The following PLGRKT variants were observed in gnomAD, a reference collection of about 807,000 sequenced individuals.
PLGRKT encodes the protein plasminogen receptor with a C-terminal lysine.
A neutral mutation model predicts 18.5 loss-of-function variants in PLGRKT; 22 were observed. That is an observed-to-expected ratio of 1.19 (90% CI 0.85 to 1.70). The LOEUF is 1.70. Among genes scored for constraint, PLGRKT ranks in the 40% most tolerant of loss-of-function variants. The pLI, the probability that PLGRKT is intolerant of heterozygous loss-of-function variation, is 0.00. For missense variants in PLGRKT, 235 were observed against 174.4 expected (o/e 1.35, Z -1.96); for synonymous variants, 72 against 52.8 (o/e 1.36, Z -1.58).
chr9:5,362,835 A>G (rs1349100314), intron 3 of PLGRKT, among the ~76,000 whole-genome samples: 2 of 152,162 alleles, frequency 1.3e-5, no homozygotes, highest in African/African-American at 4.8e-5. Context: ...ACCAGAAGAT[A>G]TGACGGAAGC....
At chr9:5,408,828 G>T (rs1440131006) in intron 3 of PLGRKT, among the ~76,000 whole-genome samples, 5 of 152,202 alleles carry the variant, frequency 3.3e-5, no homozygotes, top group African/African-American at 1.2e-4. Context: ...CACAGCCTTG[G>T]GACACTGTTC....
intron 3 of PLGRKT, among the ~76,000 whole-genome samples, chr9:5,376,955 T>A (rs955180906): frequency 2.0e-5 from 3 of 152,202 alleles, no homozygotes; most frequent in East Asian, 1.9e-4. Context: ...TTGATTCATG[T>A]ACACATATTA....
At chr9:5,434,727 T>C (rs1234887084) in intron 2 of PLGRKT, among the ~76,000 whole-genome samples, 2 of 150,672 alleles carry the variant, frequency 1.3e-5, no homozygotes, top group South Asian at 4.2e-4. Flanking sequence ...GTCTGGGAAG[T>C]GAGGAGCGCC....
chr9:5,367,422 C>T (rs570297903), intron 3 of PLGRKT, among the ~76,000 whole-genome samples: 1 of 152,080 alleles, frequency 6.6e-6, no homozygotes, highest in Non-Finnish European at 1.5e-5. Context: ...ATAGAGAATT[C>T]ATAAATAAAG....
At chr9:5,401,293 C>G (rs1472665583) in intron 3 of PLGRKT, among the ~76,000 whole-genome samples, 1 of 137,522 alleles carries the variant, frequency 7.3e-6, no homozygotes, top group East Asian at 2.0e-4. Context: ...ATAGGACGGG[C>G]TAGAAAAAAA....
At chr9:5,374,654 T>C (rs767431298) in intron 3 of PLGRKT, among the ~76,000 whole-genome samples, 1 of 152,238 alleles carries the variant, frequency 6.6e-6, no homozygotes, top group Non-Finnish European at 1.5e-5. Context: ...TCAGGACTCA[T>C]GGTGCAGGTT....
rs544868904 is a variant in PLGRKT at position 5,376,342 on chromosome 9, G to A, written c.82-14454C>T. ...GGGCCACGTCTGGGCCTTGCAACCAGACTGTCTGCATTTGCATCCTGCCAC... is the reference window on the plus strand; with the variant it reads ...GGGCCACGTCTGGGCCTTGCAACCAAACTGTCTGCATTTGCATCCTGCCAC... On this transcript the variant is annotated intron_variant, in intron 3 of 5. Coordinates refer to ENST00000223864, the MANE Select transcript of PLGRKT (RefSeq NM_018465.4). 3.3e-5 allele frequency among the ~76,000 whole-genome samples: 5 copies of A among 152,302 alleles called. No homozygotes were observed. The South Asian group carries it at 1.0e-3, about 32-fold the overall frequency.
At chr9:5,413,302 C>G (rs1818399317) in intron 3 of PLGRKT, among the ~76,000 whole-genome samples, 1 of 152,088 alleles carries the variant, frequency 6.6e-6, no homozygotes, top group Admixed American at 6.6e-5. Flanking sequence ...TGGAAATAAC[C>G]TAAGTACCTG....
chr9:5,378,831 A>T (rs1817682310), intron 3 of PLGRKT, among the ~76,000 whole-genome samples: 1 of 152,186 alleles, frequency 6.6e-6, no homozygotes, highest in Non-Finnish European at 1.5e-5. Flanking sequence ...AAATTGGAAA[A>T]ATGTAGTGAT....
chr9:5,363,071 G>A (rs527271199), intron 3 of PLGRKT, among the ~76,000 whole-genome samples: 64 of 151,974 alleles, frequency 4.2e-4, no homozygotes, highest in African/African-American at 1.4e-3. Context: ...AGGTAACTGC[G>A]GATTGAGAGC....
Position 5,425,765 on chromosome 9 carries a change from G to A in PLGRKT, c.81+6132C>T, listed in dbSNP as rs139077003. Reference sequence around the variant, plus strand: ...CCTGACCAGTGGTATAAGAGATGGGGTTGAATCATGAGTGGTCTTTTCCCC... The same window carrying A: ...CCTGACCAGTGGTATAAGAGATGGGATTGAATCATGAGTGGTCTTTTCCCC... On this transcript the variant is annotated intron_variant, in intron 3 of 5. Transcript: ENST00000223864. Among the ~76,000 whole-genome samples the A allele has an allele frequency of 4.1e-3, 630 of 152,166 alleles. 7 individuals are homozygous for A. The highest frequency in any genetic ancestry group is 0.014 in the African/African-American group (598 of 41,512).
chr9:5,372,471 G>C (rs1229014206), intron 3 of PLGRKT, among the ~76,000 whole-genome samples: 1 of 152,140 alleles, frequency 6.6e-6, no homozygotes, highest in Non-Finnish European at 1.5e-5. Context: ...CAGGGTATCT[G>C]GCAATTACAG....
intron 3 of PLGRKT, among the ~76,000 whole-genome samples, chr9:5,415,268 A>G (rs965284256): frequency 6.6e-6 from 1 of 152,252 alleles, no homozygotes; most frequent in Non-Finnish European, 1.5e-5. Context: ...ATAAATAATG[A>G]TGGTACTAGT....
At chr9:5,362,540 A>T (rs151056565) in intron 3 of PLGRKT, among the ~76,000 whole-genome samples, 1 of 152,340 alleles carries the variant, frequency 6.6e-6, no homozygotes, top group East Asian at 1.9e-4. Context: ...CTGTAAACCC[A>T]AGCCCATTAT....
At chr9:5,429,330 C>A (rs911003033) in intron 3 of PLGRKT, among the ~76,000 whole-genome samples, 1 of 152,212 alleles carries the variant, frequency 6.6e-6, no homozygotes, top group African/African-American at 2.4e-5. Flanking sequence ...CTGCCCAGTG[C>A]AGCAGCACCA....
chr9:5,371,349 G>T (rs2131075744), intron 3 of PLGRKT, among the ~76,000 whole-genome samples: 1 of 152,260 alleles, frequency 6.6e-6, no homozygotes, highest in Non-Finnish European at 1.5e-5. Flanking sequence ...AACTTGAATT[G>T]TATCTCCCAC....
intron 3 of PLGRKT, among the ~76,000 whole-genome samples, chr9:5,429,164 A>T (rs888583052): frequency 1.3e-4 from 20 of 152,376 alleles, no homozygotes; most frequent in Admixed American, 2.6e-4. Flanking sequence ...ACAAATGTAC[A>T]ATGACATTGA....
chr9:5,373,722 T>C (rs1817573201), intron 3 of PLGRKT, among the ~76,000 whole-genome samples: 1 of 151,596 alleles, frequency 6.6e-6, no homozygotes, highest in Admixed American at 6.6e-5. Context: ...CACTTGAGCC[T>C]GGCATGTCGA....
intron 2 of PLGRKT, among the ~76,000 whole-genome samples, chr9:5,435,688 A>G (rs2131186165): frequency 6.6e-6 from 1 of 152,388 alleles, no homozygotes; most frequent in East Asian, 1.9e-4. Context: ...ACCTTGAGTT[A>G]GTTGGTTGCA....
Sources: gnomAD v4.1 joint callset for allele counts (sites outside exome capture counted in the v4.1 genomes callset) on GRCh38, gnomAD v4.1.1 for gene constraint, MANE v1.5 for transcripts, NCBI Gene and HGNC (gene_info 2026-07-23, HGNC 2026-07-21) for gene names.